AKAP6: variants seen among roughly 807,000 people sequenced by gnomAD.
The protein encoded by AKAP6 is A-kinase anchor protein 6.
In AKAP6, 58 loss-of-function variants were observed where a neutral mutation model predicts 188.5. The ratio of observed to expected loss-of-function variants is 0.31; its 90% CI spans 0.25 to 0.38. AKAP6 has a LOEUF of 0.38. Ranked by LOEUF, AKAP6 falls within the 10% of genes least tolerant of loss-of-function variation. The pLI, the probability that AKAP6 is intolerant of heterozygous loss-of-function variation, is 1.00. For missense variants in AKAP6, 2,710 were observed against 2,740.0 expected, an observed-to-expected ratio of 0.99 and a Z score of 0.24; for synonymous variants, 989 against 998.6, an observed-to-expected ratio of 0.99 and a Z score of 0.18.
chr14:32,534,218 T>C (rs1448879408), intron 2 of AKAP6, among the ~76,000 whole-genome samples: 1 of 152,200 alleles, frequency 6.6e-6, no homozygotes, highest in Non-Finnish European at 1.5e-5. Flanking sequence ...GTTTTGACAC[T>C]GATGGTAGGG....
chr14:32,430,492 A>G (rs1158020104), intron 1 of AKAP6, among the ~76,000 whole-genome samples: 3 of 152,170 alleles, frequency 2.0e-5, no homozygotes, highest in African/African-American at 7.2e-5. Flanking sequence ...GGAGTTTCAG[A>G]GAAAACACGG....
At chr14:32,799,993 T>G (rs941604474) in intron 12 of AKAP6, among the ~76,000 whole-genome samples, 11 of 150,324 alleles carry the variant, frequency 7.3e-5, no homozygotes, top group Middle Eastern at 3.4e-3. Flanking sequence ...GCGGACTGCT[T>G]GAGCCCAGAT....
chr14:32,429,721 T>A (rs1439581867), intron 1 of AKAP6, among the ~76,000 whole-genome samples: 1 of 152,218 alleles, frequency 6.6e-6, no homozygotes, highest in Non-Finnish European at 1.5e-5. Context: ...CGCTTTGTTT[T>A]ATCTCTATGG....
chr14:32,681,780 G>A (rs1889687935), intron 8 of AKAP6, among the ~76,000 whole-genome samples: 1 of 151,354 alleles, frequency 6.6e-6, no homozygotes. Flanking sequence ...CTTGGCTCAG[G>A]TGATTCTCCC....
At chr14:32,688,589 C>G (rs1044898522) in intron 8 of AKAP6, among the ~76,000 whole-genome samples, 4 of 152,034 alleles carry the variant, frequency 2.6e-5, no homozygotes, top group Admixed American at 6.6e-5. Flanking sequence ...AAAAATAAAT[C>G]TATATCAGAT....
chr14:32,827,457 A>G (rs1421109538), intron 13 of AKAP6, among the ~76,000 whole-genome samples: 1 of 152,106 alleles, frequency 6.6e-6, no homozygotes, highest in African/African-American at 2.4e-5. Flanking sequence ...CAGTAACAAA[A>G]ATGTTTTCCA....
chr14:32,559,136 G>C (rs1883818087), intron 4 of AKAP6, among the ~76,000 whole-genome samples: 1 of 152,144 alleles, frequency 6.6e-6, no homozygotes, highest in African/African-American at 2.4e-5. Context: ...AGTAGTTAAG[G>C]GAATGAGTAA....
intron 1 of AKAP6, among the ~76,000 whole-genome samples, chr14:32,390,667 T>G (rs1353778004): frequency 1.3e-5 from 2 of 152,126 alleles, no homozygotes; most frequent in Non-Finnish European, 2.9e-5. Flanking sequence ...GGGCTGGTAC[T>G]GGGGGTTGTC....
chr14:32,582,759 C>A (rs1258496068), intron 5 of AKAP6, among the ~76,000 whole-genome samples: 54 of 151,676 alleles, frequency 3.6e-4, no homozygotes, highest in African/African-American at 9.2e-4. Flanking sequence ...TCACTGATAC[C>A]CTTTCTTCCA....
chr14:32,806,070 T>C (rs187540756), intron 12 of AKAP6, among the ~76,000 whole-genome samples: 2 of 152,336 alleles, frequency 1.3e-5, no homozygotes, highest in Admixed American at 1.3e-4. Flanking sequence ...TGGTTCGTTG[T>C]ATGTTTCCAT....
At chr14:32,484,855 AG>A in intron 2 of AKAP6, 1 of 220,626 alleles carries the variant, frequency 4.5e-6, no homozygotes. Context: ...ATCTAAAGAC[AG>A]GGGCTAAGCC....
chr14:32,753,639 G>A (rs2032223206), intron 11 of AKAP6, among the ~76,000 whole-genome samples: 1 of 151,876 alleles, frequency 6.6e-6, no homozygotes, highest in Non-Finnish European at 1.5e-5. Context: ...AAAGTTTATA[G>A]CAATTTTGGT....
intron 5 of AKAP6, among the ~76,000 whole-genome samples, chr14:32,578,361 C>T (rs1284756457): frequency 6.6e-6 from 1 of 152,124 alleles, no homozygotes; most frequent in Non-Finnish European, 1.5e-5. Context: ...AATGACAAAA[C>T]TGTGTGGTAG....
intron 8 of AKAP6, among the ~76,000 whole-genome samples, chr14:32,689,773 T>G (rs570423430): frequency 6.7e-4 from 102 of 152,138 alleles, no homozygotes; most frequent in Non-Finnish European, 1.4e-3. Context: ...TCTGATCTAT[T>G]ATTAGTATTT....
At chr14:32,385,418 T>A (rs374005902) in intron 1 of AKAP6, among the ~76,000 whole-genome samples, 7 of 133,052 alleles carry the variant, frequency 5.3e-5, no homozygotes, top group African/African-American at 1.1e-4. Flanking sequence ...TTTTTTTTTT[T>A]AATTTCCACA....
chr14:32,388,992 T>C (rs1211556097), intron 1 of AKAP6, among the ~76,000 whole-genome samples: 3 of 152,132 alleles, frequency 2.0e-5, no homozygotes, highest in Non-Finnish European at 4.4e-5. Context: ...TCTATCTCAT[T>C]TCTTAGGTCT....
At chr14:32,519,992 C>A (rs1881733969) in intron 2 of AKAP6, among the ~76,000 whole-genome samples, 1 of 152,338 alleles carries the variant, frequency 6.6e-6, no homozygotes, top group East Asian at 1.9e-4. Flanking sequence ...TTATAACAAA[C>A]TGTCTCTCAG....
chr14:32,617,786 C>A (rs1376940498), intron 7 of AKAP6, among the ~76,000 whole-genome samples: 1 of 152,122 alleles, frequency 6.6e-6, no homozygotes, highest in Non-Finnish European at 1.5e-5. Flanking sequence ...CCACCACGCC[C>A]AGCTAATTTT....
intron 11 of AKAP6, among the ~76,000 whole-genome samples, chr14:32,773,417 C>G (rs761146439): frequency 6.6e-6 from 1 of 152,074 alleles, no homozygotes; most frequent in Non-Finnish European, 1.5e-5. Flanking sequence ...GTTAATTACC[C>G]AGGTGTCTAG....
Sources: allele counts gnomAD v4.1 joint callset (sites outside exome capture counted in the v4.1 genomes callset), GRCh38; gene constraint gnomAD v4.1.1; transcripts MANE v1.5; gene names NCBI Gene and HGNC (gene_info 2026-07-23, HGNC 2026-07-21).